The following ADCY8 variants were observed in gnomAD, a reference collection of about 807,000 sequenced individuals.
ADCY8 encodes the protein adenylate cyclase type 8.
Under a neutral mutation model 119.7 loss-of-function variants are expected in ADCY8, and 51 were observed. The observed-to-expected ratio is 0.43, with a 90% CI of 0.34 to 0.54. The LOEUF (loss-of-function observed/expected upper bound fraction) is 0.54, where lower values mean the gene tolerates loss of function less well. ADCY8 is among the 20% of genes least tolerant of loss of function. ADCY8 has a pLI of 0.03. For missense variants in ADCY8, 1,383 were observed against 1,598.8 expected (o/e 0.87, Z 2.30); for synonymous variants, 665 against 651.0 (o/e 1.02, Z -0.33).
intron 9 of ADCY8, among the ~76,000 whole-genome samples, chr8:130,854,737 A>G (rs1379421381): frequency 6.6e-6 from 1 of 152,180 alleles, no homozygotes; most frequent in African/African-American, 2.4e-5. Flanking sequence ...GAGAGGTTAA[A>G]TACATACATA....
intron 1 of ADCY8, among the ~76,000 whole-genome samples, chr8:131,023,287 A>C (rs1823730523): frequency 6.6e-6 from 1 of 152,336 alleles, no homozygotes; most frequent in Non-Finnish European, 1.5e-5. Context: ...CACTGGAATC[A>C]ACACCAATAA....
chr8:131,028,574 C>T (rs779717780), intron 1 of ADCY8, among the ~76,000 whole-genome samples: 2 of 151,830 alleles, frequency 1.3e-5, no homozygotes, highest in African/African-American at 4.8e-5. Flanking sequence ...TAAAAAGACT[C>T]ATGACCGTTT....
At chr8:130,836,997 G>T (rs541228560) in intron 11 of ADCY8, among the ~76,000 whole-genome samples, 85 of 152,236 alleles carry the variant, frequency 5.6e-4, no homozygotes, top group Middle Eastern at 3.4e-3. Context: ...ACCTCCTAAA[G>T]TGCTGGGATT....
At chr8:131,016,277 A>T (rs143317304) in intron 1 of ADCY8, among the ~76,000 whole-genome samples, 82 of 152,296 alleles carry the variant, frequency 5.4e-4, no homozygotes, top group African/African-American at 1.9e-3. Flanking sequence ...CAATCCCAGC[A>T]CTTTGGGAGG....
chr8:130,928,992 T>C (rs1339941733), intron 5 of ADCY8, among the ~76,000 whole-genome samples: 1 of 152,180 alleles, frequency 6.6e-6, no homozygotes, highest in African/African-American at 2.4e-5. Context: ...TAAGATTTTC[T>C]ATTTCTTCAT....
chr8:130,880,354 A>G (rs898931209), intron 8 of ADCY8, among the ~76,000 whole-genome samples: 1 of 152,190 alleles, frequency 6.6e-6, no homozygotes, highest in Non-Finnish European at 1.5e-5. Flanking sequence ...TATACTTAGT[A>G]TCAACTTTTA....
intron 8 of ADCY8, among the ~76,000 whole-genome samples, chr8:130,869,625 C>A (rs934761167): frequency 6.6e-6 from 1 of 150,532 alleles, no homozygotes; most frequent in Non-Finnish European, 1.5e-5. Flanking sequence ...TCACTCCATT[C>A]TCCTGCCTCA....
intron 14 of ADCY8, among the ~76,000 whole-genome samples, chr8:130,813,155 G>A (rs1324258300): frequency 6.6e-6 from 1 of 152,042 alleles, no homozygotes; most frequent in Non-Finnish European, 1.5e-5. Context: ...CACCATCTTG[G>A]CCAGGCTGGT....
chr8:130,882,356 T>C (rs1818808884), intron 8 of ADCY8, among the ~76,000 whole-genome samples: 1 of 152,142 alleles, frequency 6.6e-6, no homozygotes, highest in African/African-American at 2.4e-5. Flanking sequence ...ATCCTATGTA[T>C]TTGAAAGCCT....
chr8:131,030,435 T>C (rs1326613719), intron 1 of ADCY8, among the ~76,000 whole-genome samples: 3 of 152,236 alleles, frequency 2.0e-5, no homozygotes, highest in African/African-American at 4.8e-5. Context: ...TCCTTTCATG[T>C]AACTTCTAAA....
In ADCY8 at chr8:130,903,851, C is replaced by A. The variant is rs557075212; in HGVS notation, c.1832G>T (p.Arg611Leu). 120 of 1,613,926 alleles carry A rather than the reference C, an allele frequency of 7.4e-5. 1 individual carries two copies. The South Asian group carries it at 1.3e-3, about 17-fold the overall frequency. ...IVKESVSSSD[R>L]RNSGATFTEG... is the part of the protein sequence containing the mutation. Reference sequence around the variant, plus strand: ...AGTGAATGTGGCCCCACTGTTTCTCCGGTCTGAGGAGCTCACTGACTCCTT... The same window carrying A: ...AGTGAATGTGGCCCCACTGTTTCTCAGGTCTGAGGAGCTCACTGACTCCTT... The change falls in exon 7 of 18, where the codon CGG becomes CTG. Residue 611 changes from arginine (R) to leucine (L), a missense_variant. Physicochemically the swap from Arg to Leu is moderately radical, Grantham distance 102. Coordinates refer to ENST00000286355, the MANE Select transcript of ADCY8 (RefSeq NM_001115.3).
At chr8:130,920,204 G>T (rs970089293) in intron 5 of ADCY8, among the ~76,000 whole-genome samples, 18 of 147,590 alleles carry the variant, frequency 1.2e-4, no homozygotes, top group Non-Finnish European at 2.4e-4. Context: ...AAGTTCTCCT[G>T]AATTCTAAAT....
chr8:130,886,500 G>T (rs1288886320), intron 7 of ADCY8, among the ~76,000 whole-genome samples: 1 of 152,138 alleles, frequency 6.6e-6, no homozygotes, highest in Admixed American at 6.6e-5. Context: ...AAAGGAAGCT[G>T]AACTGTCAGC....
At chr8:130,896,762 G>A (rs941948048) in intron 7 of ADCY8, among the ~76,000 whole-genome samples, 8 of 151,746 alleles carry the variant, frequency 5.3e-5, no homozygotes, top group Non-Finnish European at 7.4e-5. Context: ...GTTTTAAGAC[G>A]GTTCACCAGG....
intron 2 of ADCY8, among the ~76,000 whole-genome samples, chr8:130,982,904 A>T (rs1822281613): frequency 6.6e-6 from 1 of 152,214 alleles, no homozygotes; most frequent in African/African-American, 2.4e-5. Context: ...TCATTTTAAA[A>T]CAGGCACGTT....
At chr8:130,885,259 G>T (rs949971373) in intron 7 of ADCY8, among the ~76,000 whole-genome samples, 22 of 151,426 alleles carry the variant, frequency 1.5e-4, no homozygotes, top group African/African-American at 5.3e-4. Flanking sequence ...TAGAAAGACA[G>T]CCAAATATGC....
In ADCY8 at chr8:131,040,154, G is replaced by T. The variant is rs201251288; in HGVS notation, c.180C>A (p.Ser60Arg). Residue 60 changes from serine (S) to arginine (R), a missense_variant, in exon 1 of 18, where the codon AGC becomes AGA. Ser to Arg is a moderately radical substitution (Grantham distance 110). This residue lies in a region of ADCY8 where 455 missense variants were observed against 435.3 expected (regional missense o/e 1.05). Transcript: ENST00000286355. Reference sequence around the variant, plus strand: ...AGGCTTTGCCCGAGCCTCCACTCCCGCTGCCGCTGCCTCCCCGGTGCCCGT... The same window carrying T: ...AGGCTTTGCCCGAGCCTCCACTCCCTCTGCCGCTGCCTCCCCGGTGCCCGT... ...FIHGHRGGSG[S>R]GSGGSGKASD... is the part of the protein sequence containing the mutation. The T allele has an allele frequency of 5.2e-4, 803 of 1,532,722 alleles. 4 individuals carry two copies. The African/African-American group carries it at 0.01, about 19-fold the overall frequency. 94.9% of individuals were successfully genotyped at this position (1,532,722 alleles called of 1,614,324 possible). A position where few individuals can be genotyped will look rare whatever the true frequency, so the allele number is the denominator to read the frequency against.
chr8:130,836,397 C>A lies in ADCY8; in HGVS notation c.2555G>T (p.Arg852Leu). 6.2e-7 allele frequency: 1 copy of A among 1,613,838 alleles called. No homozygotes were observed. The highest frequency in any genetic ancestry group is 8.5e-7 in the Non-Finnish European group (1 of 1,179,898). ...LAMVTCAVFL[R>L]LNSVLKLAVL... ...TGCCAGCTTCAGGACGGAGTTCAGC[C>A]GGAGGAAAACTGCACAGGTCACCAT... The change falls in exon 12 of 18, where the codon CGG becomes CTG. Residue 852 changes from arginine to leucine, a missense_variant. This residue lies in a region of ADCY8 where 928 missense variants were observed against 1,163.5 expected (regional missense o/e 0.80). Transcript: ENST00000286355.
chr8:130,828,647 A>T lies in ADCY8; in HGVS notation c.2676-7227T>A, dbSNP rs143063790. Among the ~76,000 whole-genome samples, 1,132 of 152,302 alleles carry T rather than the reference A, an allele frequency of 7.4e-3. 16 individuals are homozygous for T. Among genetic ancestry groups the T allele is most frequent in the African/African-American group, 0.026 (1,067 of 41,560 alleles). On this transcript the variant is annotated intron_variant, in intron 12 of 17. Coordinates refer to ENST00000286355, the MANE Select transcript of ADCY8 (RefSeq NM_001115.3). ...GCCCCTCTACTAAAAACCAGGCTTT[A>T]TGCTGCTTTGGTGAATGGGAAAATT...
Sources: gnomAD v4.1 joint callset for allele counts (sites outside exome capture counted in the v4.1 genomes callset) on GRCh38, gnomAD v4.1.1 for gene constraint, gnomAD v4.1.1 regional missense constraint, MANE v1.5 for transcripts, NCBI Gene and HGNC (gene_info 2026-07-23, HGNC 2026-07-21) for gene names.